The following PARD3B variants were observed in gnomAD, a reference collection of about 807,000 sequenced individuals.
PARD3B encodes par-3 family cell polarity regulator beta.
A neutral mutation model predicts 130.2 loss-of-function variants in PARD3B; 103 were observed. That is an observed-to-expected ratio of 0.79 (90% CI 0.67 to 0.93). The LOEUF is 0.93. PARD3B is among the 40% of genes least tolerant of loss of function. The pLI is 0.00. For synonymous variants in PARD3B, 583 were observed against 553.2 expected (o/e 1.05, Z -0.76); for missense variants, 1,609 against 1,499.2 (o/e 1.07, Z -1.21).
Position 205,002,628 on chromosome 2 carries a change from G to A in PARD3B, c.394+37305G>A, listed in dbSNP as rs202245575. Among the ~76,000 whole-genome samples, 10 of 152,158 alleles carry A rather than the reference G, an allele frequency of 6.6e-5. No individual in the cohort carries two copies. The East Asian group carries it at 1.7e-3, about 26-fold the overall frequency. ...AGCCTCCATCCTCTCGCGCTCTGAT[G>A]TCCTCCTGCCTGCTCTTCTGCCTCC... On this transcript the variant is annotated intron_variant, in intron 3 of 22. Transcript: ENST00000406610.
intron 4 of PARD3B, among the ~76,000 whole-genome samples, chr2:205,057,408 TACATATAC>T (rs1699731371): frequency 7.3e-6 from 1 of 136,496 alleles, no homozygotes; most frequent in African/African-American, 2.7e-5. Flanking sequence ...ATGTGTTATA[TACATATAC>T]ATATATACAT....
chr2:204,806,302 A>G (rs1356772066), intron 2 of PARD3B, among the ~76,000 whole-genome samples: 1 of 152,204 alleles, frequency 6.6e-6, no homozygotes, highest in Admixed American at 6.5e-5. Context: ...ACATAGACCA[A>G]TGGAACAGAA....
intron 2 of PARD3B, among the ~76,000 whole-genome samples, chr2:204,926,069 A>C (rs1451705305): frequency 6.6e-6 from 1 of 152,056 alleles, no homozygotes; most frequent in African/African-American, 2.4e-5. Context: ...CACCTTTATA[A>C]GAGTGTGAGA....
intron 22 of PARD3B, among the ~76,000 whole-genome samples, chr2:205,598,421 A>C (rs147478172): frequency 6.6e-6 from 1 of 152,304 alleles, no homozygotes; most frequent in African/African-American, 2.4e-5. Flanking sequence ...ACACTTAACT[A>C]TCTTAAATAC....
intron 16 of PARD3B, among the ~76,000 whole-genome samples, chr2:205,267,214 A>G (rs1470533601): frequency 6.6e-6 from 1 of 152,218 alleles, no homozygotes; most frequent in Non-Finnish European, 1.5e-5. Context: ...CAACACTGTT[A>G]ACAGACTCTT....
intron 7 of PARD3B, among the ~76,000 whole-genome samples, chr2:205,120,214 C>T (rs1053592914): frequency 3.3e-5 from 5 of 152,038 alleles, no homozygotes; most frequent in Non-Finnish European, 7.4e-5. Context: ...TGTGCTTTTT[C>T]ACAAGGACTT....
intron 3 of PARD3B, among the ~76,000 whole-genome samples, chr2:205,003,317 C>T (rs1694997434): frequency 6.6e-6 from 1 of 152,136 alleles, no homozygotes; most frequent in East Asian, 1.9e-4. Context: ...ATCTTAATTT[C>T]TCCATAATAG....
chr2:205,194,619 T>C (rs2036569383), intron 15 of PARD3B, among the ~76,000 whole-genome samples: 1 of 152,226 alleles, frequency 6.6e-6, no homozygotes, highest in African/African-American at 2.4e-5. Flanking sequence ...GAGAGAAATA[T>C]ATTTGTTTTC....
chr2:205,549,654 C>T (rs2052531045), intron 21 of PARD3B, among the ~76,000 whole-genome samples: 1 of 152,094 alleles, frequency 6.6e-6, no homozygotes, highest in Non-Finnish European at 1.5e-5. Context: ...AGGCAGAGCA[C>T]TTAAGATGTT....
intron 7 of PARD3B, among the ~76,000 whole-genome samples, chr2:205,119,370 A>C (rs1489445051): frequency 6.6e-6 from 1 of 151,378 alleles, no homozygotes; most frequent in African/African-American, 2.4e-5. Context: ...CTTTTCACAG[A>C]CTGTTGGTTC....
chr2:205,375,139 A>G (rs2044989932), intron 18 of PARD3B, among the ~76,000 whole-genome samples: 2 of 152,158 alleles, frequency 1.3e-5, no homozygotes, highest in Non-Finnish European at 2.9e-5. Flanking sequence ...ATCGTTGTCA[A>G]TGTCAAGTAT....
intron 15 of PARD3B, among the ~76,000 whole-genome samples, chr2:205,238,613 C>T (rs929349535): frequency 2.6e-5 from 4 of 151,754 alleles, no homozygotes; most frequent in African/African-American, 7.2e-5. Context: ...GGGTGTATCA[C>T]CTGAGGTCAG....
intron 1 of PARD3B, among the ~76,000 whole-genome samples, chr2:204,621,664 A>G (rs2034307499): frequency 6.6e-6 from 1 of 152,226 alleles, no homozygotes; most frequent in African/African-American, 2.4e-5. Context: ...ACATTTCTAG[A>G]AACCTTTTAT....
intron 2 of PARD3B, among the ~76,000 whole-genome samples, chr2:204,842,850 C>A (rs998478897): frequency 6.6e-6 from 1 of 152,068 alleles, no homozygotes; most frequent in Non-Finnish European, 1.5e-5. Flanking sequence ...CTTAGCTCCT[C>A]AAAGCTGTTA....
chr2:204,878,553 C>G (rs1575194526), intron 2 of PARD3B, among the ~76,000 whole-genome samples: 1 of 151,900 alleles, frequency 6.6e-6, no homozygotes, highest in Non-Finnish European at 1.5e-5. Flanking sequence ...AAGAGTATAG[C>G]AAATTTTAAT....
intron 21 of PARD3B, among the ~76,000 whole-genome samples, chr2:205,523,245 A>ATATATATATATATTTT: frequency 6.9e-6 from 1 of 145,118 alleles, no homozygotes; most frequent in East Asian, 2.0e-4. Context: ...ATATATATTT[A>ATATATATATATATTTT]TATATATATA....
intron 2 of PARD3B, among the ~76,000 whole-genome samples, chr2:204,886,536 A>G (rs960338512): frequency 3.3e-5 from 5 of 152,240 alleles, no homozygotes; most frequent in Admixed American, 6.5e-5. Flanking sequence ...GACAGTTATC[A>G]TAAATGGTCT....
intron 2 of PARD3B, among the ~76,000 whole-genome samples, chr2:204,925,967 C>T (rs943253614): frequency 5.3e-5 from 8 of 151,976 alleles, no homozygotes; most frequent in East Asian, 3.9e-4. Context: ...TGCCTTCTGC[C>T]GTGATTGTAA....
intron 22 of PARD3B, among the ~76,000 whole-genome samples, chr2:205,614,032 AG>A (rs2055331615): frequency 6.6e-6 from 1 of 152,168 alleles, no homozygotes; most frequent in Non-Finnish European, 1.5e-5. Flanking sequence ...AAATTATAAA[AG>A]GGGGAGTGGC....
Sources: allele counts gnomAD v4.1 joint callset (sites outside exome capture counted in the v4.1 genomes callset), GRCh38; gene constraint gnomAD v4.1.1; transcripts MANE v1.5; gene names NCBI Gene and HGNC (gene_info 2026-07-23, HGNC 2026-07-21).